The following DCC variants were observed in gnomAD, a reference collection of about 807,000 sequenced individuals.
The protein encoded by DCC is netrin receptor DCC.
A neutral mutation model predicts 172.5 loss-of-function variants in DCC; 58 were observed. The observed-to-expected ratio is 0.34, with a 90% CI of 0.27 to 0.42. The LOEUF (loss-of-function observed/expected upper bound fraction) is 0.42, where lower values mean the gene tolerates loss of function less well. Among genes scored for constraint, DCC ranks in the 10% least tolerant of loss-of-function variants. DCC has a pLI of 1.00. For synonymous variants in DCC, 709 were observed against 644.5 expected, an observed-to-expected ratio of 1.10 and a Z score of -1.52; for missense variants, 1,740 against 1,791.0, an observed-to-expected ratio of 0.97 and a Z score of 0.51.
At chr18:52,791,294 C>G (rs1050891825) in intron 2 of DCC, among the ~76,000 whole-genome samples, 2 of 152,114 alleles carry the variant, frequency 1.3e-5, no homozygotes, top group East Asian at 3.9e-4. Flanking sequence ...TTTAAAATCT[C>G]AGGGTGAAAG....
chr18:52,891,107 G>T (rs911792866), intron 2 of DCC, among the ~76,000 whole-genome samples: 1 of 152,062 alleles, frequency 6.6e-6, no homozygotes, highest in Non-Finnish European at 1.5e-5. Context: ...ATAATTTCAT[G>T]TTCAAATTAA....
intron 2 of DCC, among the ~76,000 whole-genome samples, chr18:52,855,101 G>C (rs1309113885): frequency 6.6e-6 from 1 of 152,174 alleles, no homozygotes; most frequent in Non-Finnish European, 1.5e-5. Flanking sequence ...TAACACTATA[G>C]GGAGCTCTTG....
intron 1 of DCC, among the ~76,000 whole-genome samples, chr18:52,678,759 G>C (rs1044312544): frequency 8.5e-5 from 13 of 152,072 alleles, no homozygotes; most frequent in African/African-American, 3.1e-4. Context: ...CTTTTCACTA[G>C]GAAACCGGTT....
chr18:52,882,917 T>G (rs2039508346), intron 2 of DCC, among the ~76,000 whole-genome samples: 1 of 152,148 alleles, frequency 6.6e-6, no homozygotes, highest in Non-Finnish European at 1.5e-5. Flanking sequence ...GTATTTGCTT[T>G]ATATGTCTGG....
chr18:52,643,349 A>T (rs2034949232), intron 1 of DCC, among the ~76,000 whole-genome samples: 1 of 152,166 alleles, frequency 6.6e-6, no homozygotes, highest in African/African-American at 2.4e-5. Flanking sequence ...TAAGTCAGAA[A>T]ATACCATGCT....
intron 1 of DCC, among the ~76,000 whole-genome samples, chr18:52,411,023 A>G (rs1986826949): frequency 6.6e-6 from 1 of 152,150 alleles, no homozygotes; most frequent in Non-Finnish European, 1.5e-5. Context: ...AGTAAGCCAT[A>G]AAGAAAGCCA....
intron 1 of DCC, among the ~76,000 whole-genome samples, chr18:52,414,051 T>A (rs1986932126): frequency 6.6e-6 from 1 of 152,170 alleles, no homozygotes; most frequent in Non-Finnish European, 1.5e-5. Context: ...TTTAAGTCCT[T>A]TCCTTTGCCT....
chr18:53,097,402 A>C lies in DCC; in HGVS notation c.1261+31236A>C, dbSNP rs112789687. ...TCTCTACTAATCTTAAAATATCATA[A>C]AGGCATTTATTTATAAAATTATGTG... On this transcript the variant is annotated intron_variant, in intron 7 of 28. Transcript: ENST00000442544. 9.4e-3 allele frequency among the ~76,000 whole-genome samples: 1,434 copies of C among 152,302 alleles called. 31 individuals carry two copies. The highest frequency in any genetic ancestry group is 0.032 in the African/African-American group (1,335 of 41,568).
At chr18:53,397,597 A>G in intron 18 of DCC, 151 bp downstream of exon 18, 1 of 825,970 alleles carries the variant, frequency 1.2e-6, no homozygotes, top group African/African-American at 1.7e-5. Context: ...TTTTATATCT[A>G]AGAGTATTCT....
At chr18:52,938,285 G>A (rs2040410437) in intron 5 of DCC, among the ~76,000 whole-genome samples, 1 of 152,086 alleles carries the variant, frequency 6.6e-6, no homozygotes, top group South Asian at 2.1e-4. Flanking sequence ...AATTAAGCAA[G>A]ACAGTGAGAT....
chr18:52,980,159 A>T (rs920491410), intron 5 of DCC, among the ~76,000 whole-genome samples: 4 of 152,188 alleles, frequency 2.6e-5, no homozygotes, highest in African/African-American at 9.7e-5. Context: ...ATTCTTTATT[A>T]GGGAATTCAA....
At chr18:53,486,768 A>G in intron 25 of DCC, 29 bp from the exon 26 acceptor site, 1 of 1,614,054 alleles carries the variant, frequency 6.2e-7, no homozygotes, top group Non-Finnish European at 8.5e-7. Flanking sequence ...ATAAGGTTCA[A>G]AAAACCCATT....
At chr18:53,240,389 T>A (rs2056276143) in intron 12 of DCC, among the ~76,000 whole-genome samples, 1 of 152,150 alleles carries the variant, frequency 6.6e-6, no homozygotes, top group African/African-American at 2.4e-5. Context: ...ATCATCTCTG[T>A]GATTGTCATA....
chr18:53,318,078 G>A (rs1035137992), intron 13 of DCC, among the ~76,000 whole-genome samples: 1 of 152,064 alleles, frequency 6.6e-6, no homozygotes, highest in Non-Finnish European at 1.5e-5. Flanking sequence ...ATATTAGGGT[G>A]TCGATTTGAG....
intron 9 of DCC, among the ~76,000 whole-genome samples, chr18:53,201,184 G>A (rs1486797409): frequency 3.9e-5 from 6 of 151,996 alleles, no homozygotes; most frequent in Non-Finnish European, 4.4e-5. Flanking sequence ...GGGAAACTAG[G>A]GCTCAGCTCT....
intron 1 of DCC, among the ~76,000 whole-genome samples, chr18:52,713,149 C>A (rs1315340601): frequency 6.6e-6 from 1 of 152,204 alleles, no homozygotes; most frequent in Non-Finnish European, 1.5e-5. Flanking sequence ...ATGTTCAATT[C>A]TTTCAGCTTC....
intron 18 of DCC, 25 bp downstream of exon 18, chr18:53,397,471 G>A (rs1599105317): frequency 6.2e-7 from 1 of 1,613,388 alleles, no homozygotes; most frequent in African/African-American, 1.3e-5. Context: ...GTCTACTTTG[G>A]ACCCTTGATA....
intron 5 of DCC, among the ~76,000 whole-genome samples, chr18:53,017,080 CTTT>C (rs780984399): frequency 2.3e-5 from 3 of 131,306 alleles, no homozygotes; most frequent in Non-Finnish European, 1.6e-5. Flanking sequence ...TTTTTCTTTT[CTTT>C]TTTTTTTTTT....
At chr18:52,784,486 C>G (rs2037614570) in intron 2 of DCC, among the ~76,000 whole-genome samples, 1 of 151,904 alleles carries the variant, frequency 6.6e-6, no homozygotes, top group Non-Finnish European at 1.5e-5. Flanking sequence ...TGAGAAACTT[C>G]TGTACTGTTT....
Sources: gnomAD v4.1 joint callset for allele counts (sites outside exome capture counted in the v4.1 genomes callset) on GRCh38, gnomAD v4.1.1 for gene constraint, MANE v1.5 for transcripts, NCBI Gene and HGNC (gene_info 2026-07-23, HGNC 2026-07-21) for gene names.